Variants in TMEM74 observed in about 807,000 individuals in gnomAD.
The protein encoded by TMEM74 is transmembrane protein 74.
TMEM74 carries 13 observed loss-of-function variants against 18.1 expected under a neutral mutation model. That is an observed-to-expected ratio of 0.72 (90% CI 0.47 to 1.14). The LOEUF (loss-of-function observed/expected upper bound fraction) is 1.14, where lower values mean the gene tolerates loss of function less well. Among genes scored for constraint, TMEM74 ranks in the 50% most tolerant of loss-of-function variants. The probability of loss-of-function intolerance (pLI) is 0.00; values close to 1 mark genes in which losing one functional copy is unlikely to be tolerated. For missense variants in TMEM74, 372 were observed against 375.9 expected (o/e 0.99, Z 0.09); for synonymous variants, 159 against 146.6 (o/e 1.08, Z -0.61).
At chr8:108,731,684 C>A (rs1563537551) in intron 1 of TMEM74, among the ~76,000 whole-genome samples, 1 of 152,088 alleles carries the variant, frequency 6.6e-6, no homozygotes, top group Non-Finnish European at 1.5e-5. Flanking sequence ...AGGTAGCTAG[C>A]CTTGTGTTCT....
chr8:108,684,801 C>G (rs2935805), intron 1 of TMEM74, among the ~76,000 whole-genome samples: 33,862 of 150,674 alleles, frequency 0.22, 3,971 homozygotes, highest in East Asian at 0.29. Flanking sequence ...TAGTTTTAGT[C>G]ATTTATGCCA....
downstream of TMEM74, among the ~76,000 whole-genome samples, chr8:108,774,822 C>T (rs1008295280): frequency 7.0e-6 from 1 of 143,242 alleles, no homozygotes; most frequent in East Asian, 2.2e-4. Flanking sequence ...AGGTCTCCAA[C>T]TCCTGGCCTT....
At position 108,715,750 on chromosome 8, in the gene TMEM74, G is replaced by T. The variant is rs75069000; in HGVS notation, n.120-60313C>A. Among the ~76,000 whole-genome samples, 437 of 151,408 alleles carry T rather than the reference G, an allele frequency of 2.9e-3. 12 individuals carry two copies. In the East Asian group the frequency reaches 0.059, roughly 20 times the overall value. On this transcript the variant is annotated intron_variant and non_coding_transcript_variant, in intron 1 of 3. Coordinates refer to the TMEM74 transcript ENST00000518838. ...AGGCAAAGATATATATAATAAATGG[G>T]GCTAAACTTTTTTAAATTAAAAAAG...
chr8:108,650,740 T>G (rs1198872137), intron 2 of TMEM74, among the ~76,000 whole-genome samples: 1 of 152,162 alleles, frequency 6.6e-6, no homozygotes, highest in Non-Finnish European at 1.5e-5. Flanking sequence ...GATGAAGGCT[T>G]GCTCTTGTCC....
At chr8:108,711,162 C>T (rs1813471346) in intron 1 of TMEM74, among the ~76,000 whole-genome samples, 1 of 152,208 alleles carries the variant, frequency 6.6e-6, no homozygotes, top group African/African-American at 2.4e-5. Context: ...ATACCACAAT[C>T]CTTTTCATCC....
At chr8:108,681,022 C>G (rs1813108594) in intron 1 of TMEM74, among the ~76,000 whole-genome samples, 4 of 152,118 alleles carry the variant, frequency 2.6e-5, no homozygotes, top group Admixed American at 2.6e-4. Context: ...AAGGAGGATA[C>G]AAACAAATGG....
chr8:108,664,737 T>A (rs1812932528), intron 1 of TMEM74, among the ~76,000 whole-genome samples: 1 of 152,054 alleles, frequency 6.6e-6, no homozygotes, highest in Non-Finnish European at 1.5e-5. Context: ...TAATTAATAT[T>A]ATTGTCCCCA....
rs1175396487 is a variant in TMEM74, at chr8:108,657,859, AATATATATATATATATAT to A, written n.120-2440_120-2423del. Among the ~76,000 whole-genome samples, 8 of 49,884 alleles carry A rather than the reference AATATATATATATATATAT, an allele frequency of 1.6e-4. No homozygotes were observed. In the East Asian group the frequency reaches 3.4e-3, roughly 21 times the overall value. 32.7% of individuals were successfully genotyped at this position (49,884 alleles called of 152,430 possible). On this transcript the variant is annotated intron_variant and non_coding_transcript_variant, in intron 1 of 3. Transcript: ENST00000518838. ...CACCGTCTCAAAAAAAAAAAAAAAA[AATATATATATATATATAT>A]ATATATATATATATATATATATATA... is the stretch of plus-strand genomic sequence containing the variant.
chr8:108,648,110 C>A (rs186182930), intron 2 of TMEM74, among the ~76,000 whole-genome samples: 1 of 152,064 alleles, frequency 6.6e-6, no homozygotes, highest in Non-Finnish European at 1.5e-5. Context: ...AGGTTCTTCC[C>A]GTTTTTTTGC....
At chr8:108,680,490 C>T (rs201942883) in intron 1 of TMEM74, among the ~76,000 whole-genome samples, 7 of 152,086 alleles carry the variant, frequency 4.6e-5, no homozygotes, top group African/African-American at 1.7e-4. Context: ...AAACTCTCAA[C>T]AAATTAGGTA....
chr8:108,646,968 A>G (rs1356995372), intron 2 of TMEM74, among the ~76,000 whole-genome samples: 3 of 152,142 alleles, frequency 2.0e-5, no homozygotes, highest in African/African-American at 7.2e-5. Flanking sequence ...AGCTTGTATT[A>G]TAGCTGGCTT....
intron 1 of TMEM74, among the ~76,000 whole-genome samples, chr8:108,731,324 A>T (rs578238485): frequency 2.0e-5 from 3 of 152,216 alleles, no homozygotes; most frequent in African/African-American, 7.2e-5. Flanking sequence ...GGGAAAATGT[A>T]CAATCTTATA....
At chr8:108,631,510 AC>A (rs1369429500) in intron 2 of TMEM74, among the ~76,000 whole-genome samples, 1 of 152,000 alleles carries the variant, frequency 6.6e-6, no homozygotes, top group Admixed American at 6.6e-5. Context: ...TTAGGTAGAG[AC>A]TTGTATTTGG....
At chr8:108,708,808 G>GAAAAAAA (rs1813444214) in intron 1 of TMEM74, among the ~76,000 whole-genome samples, 1 of 5,146 alleles carries the variant, frequency 1.9e-4, no homozygotes, top group East Asian at 0.015. Flanking sequence ...CAACTCAATA[G>GAAAAAAA]CAAAAAAAAA....
At chr8:108,696,823 A>C (rs1288473786) in intron 1 of TMEM74, among the ~76,000 whole-genome samples, 1 of 152,258 alleles carries the variant, frequency 6.6e-6, no homozygotes, top group Non-Finnish European at 1.5e-5. Flanking sequence ...ATTTGTGTAC[A>C]CAAAACAAAC....
chr8:108,772,438 T>C lies in TMEM74; in HGVS notation n.119+15038A>G, dbSNP rs1189400730. ...CTGTGGAGATAAGAGAGGGTCCTTATTCTCCTAGAGTTTTAAAGTCTAGTT... is the reference window on the plus strand; with the variant it reads ...CTGTGGAGATAAGAGAGGGTCCTTACTCTCCTAGAGTTTTAAAGTCTAGTT... On this transcript the variant is annotated intron_variant and non_coding_transcript_variant, in intron 1 of 3. Transcript: ENST00000518838. 2.0e-5 allele frequency among the ~76,000 whole-genome samples: 3 copies of C among 152,190 alleles called. No individual in the cohort carries two copies. The South Asian group carries it at 6.2e-4, about 31-fold the overall frequency.
intron 2 of TMEM74, among the ~76,000 whole-genome samples, chr8:108,644,750 A>G (rs72673009): frequency 0.048 from 7,353 of 152,300 alleles, 226 homozygotes; most frequent in Middle Eastern, 0.075. Flanking sequence ...TATGAAAAAA[A>G]TGCTGTAAAT....
chr8:108,620,549 G>A (rs976505948), intron 2 of TMEM74, among the ~76,000 whole-genome samples: 1 of 152,190 alleles, frequency 6.6e-6, no homozygotes, highest in East Asian at 1.9e-4. Context: ...GAAAAATCAG[G>A]CCCCAAGAAG....
At chr8:108,671,657 G>A (rs1307911256) in intron 1 of TMEM74, among the ~76,000 whole-genome samples, 1 of 152,086 alleles carries the variant, frequency 6.6e-6, no homozygotes, top group African/African-American at 2.4e-5. Flanking sequence ...GAGATTAGTG[G>A]TCTGGAAGTA....
Sources: gnomAD v4.1 joint callset for allele counts (sites outside exome capture counted in the v4.1 genomes callset) on GRCh38, gnomAD v4.1.1 for gene constraint, MANE v1.5 for transcripts, NCBI Gene and HGNC (gene_info 2026-07-23, HGNC 2026-07-21) for gene names.